Variants in C2CD5 observed in about 807,000 individuals in gnomAD.
C2CD5 encodes the protein C2 calcium dependent domain containing 5, also known as C2 domain-containing protein 5.
In C2CD5, 109 loss-of-function variants were observed where a neutral mutation model predicts 130.3. That is an observed-to-expected ratio of 0.84 (90% CI 0.72 to 0.98). The LOEUF (loss-of-function observed/expected upper bound fraction) is 0.98, where lower values mean the gene tolerates loss of function less well. Among genes scored for constraint, C2CD5 ranks in the 50% least tolerant of loss-of-function variants. The pLI is 0.00. For missense variants in C2CD5, 996 were observed against 1,261.8 expected (o/e 0.79, Z 3.19); for synonymous variants, 454 against 429.2 (o/e 1.06, Z -0.71).
rs756981827 is a variant in C2CD5, at chr12:22,472,350, G to A, written c.2108-3C>T. The A allele has an allele frequency of 1.5e-6, 2 of 1,377,568 alleles. No homozygotes were observed. Among genetic ancestry groups the A allele is most frequent in the Non-Finnish European group, 1.0e-6 (1 of 991,034 alleles). 85.3% of individuals were successfully genotyped at this position (1,377,568 alleles called of 1,614,324 possible). ...TTCTGTATTACAACTATAAAAGCCT[G>A]TCAAAATAAATTGTAATCAAAATAT... On this transcript the variant is annotated splice_polypyrimidine_tract_variant and splice_region_variant and intron_variant, in intron 17 of 26. Coordinates refer to ENST00000446597, the MANE Select transcript of C2CD5 (RefSeq NM_001286176.2).
intron 2 of C2CD5, among the ~76,000 whole-genome samples, chr12:22,537,680 G>A (rs1446624808): frequency 6.6e-6 from 1 of 152,116 alleles, no homozygotes; most frequent in Non-Finnish European, 1.5e-5. Context: ...TATTTAAATT[G>A]GCTTCCTCCT....
chr12:22,487,553 C>T (rs1346453840), intron 12 of C2CD5, among the ~76,000 whole-genome samples: 1 of 152,104 alleles, frequency 6.6e-6, no homozygotes, highest in Admixed American at 6.6e-5. Context: ...CAGGAAACAA[C>T]AGGTGCTGGA....
chr12:22,479,434 G>A (rs1326629134), intron 14 of C2CD5, among the ~76,000 whole-genome samples: 2 of 151,652 alleles, frequency 1.3e-5, no homozygotes, highest in African/African-American at 4.8e-5. Flanking sequence ...AAAAATTAAA[G>A]GTTGCTAAAA....
intron 25 of C2CD5, among the ~76,000 whole-genome samples, chr12:22,455,460 AAATACAATTT>A (rs1939636834): frequency 6.6e-6 from 1 of 152,174 alleles, no homozygotes; most frequent in Non-Finnish European, 1.5e-5. Context: ...AAGGCTTAGG[AAATACAATTT>A]TATGGATTCA....
intron 17 of C2CD5, 28 bp from the exon 18 acceptor site, chr12:22,472,375 TATG>T: frequency 9.2e-7 from 1 of 1,086,816 alleles, no homozygotes; most frequent in Non-Finnish European, 1.4e-6. Context: ...AATCAAAATA[TATG>T]ATAATATTTC....
At position 22,502,843 on chromosome 12, in the gene C2CD5, T is replaced by C. The variant is rs902475532; in HGVS notation, c.1147+3868A>G. The C allele has an allele frequency of 5.1e-6, 6 of 1,178,642 alleles. No homozygotes were observed. In the East Asian group the frequency reaches 1.5e-4, roughly 30 times the overall value. The allele number at this position is 1,178,642 out of a possible 1,614,324, so 73.0% of individuals were successfully genotyped here. A position where few individuals can be genotyped will look rare whatever the true frequency, so the allele number is the denominator to read the frequency against. On this transcript the variant is annotated intron_variant, in intron 10 of 26. Transcript: ENST00000446597. ...AGCAAATTAGTAGATCAGTTTTAGG[T>C]GCAGAATAGTAGGAATAAAACAAAA... is the stretch of plus-strand genomic sequence containing the variant.
intron 12 of C2CD5, among the ~76,000 whole-genome samples, chr12:22,489,905 C>T (rs902156951): frequency 2.6e-5 from 4 of 152,068 alleles, no homozygotes; most frequent in Admixed American, 6.6e-5. Flanking sequence ...TGTCACTTAT[C>T]AAGACACTAG....
intron 16 of C2CD5, among the ~76,000 whole-genome samples, chr12:22,473,645 G>T (rs145569510): frequency 2.6e-5 from 4 of 152,220 alleles, no homozygotes; most frequent in African/African-American, 9.6e-5. Context: ...TAATGCCCTA[G>T]ATCAAACTTC....
chr12:22,514,655 T>C (rs1949531694), intron 8 of C2CD5, among the ~76,000 whole-genome samples: 1 of 152,058 alleles, frequency 6.6e-6, no homozygotes, highest in African/African-American at 2.4e-5. Flanking sequence ...CCAATGTGAA[T>C]GGAGTTGGTA....
rs933472317 is a variant in C2CD5 at position 22,478,665 on chromosome 12, G to C, written c.1738-188C>G. Among the ~76,000 whole-genome samples the C allele has an allele frequency of 2.6e-5, 4 of 152,074 alleles. No homozygotes were observed. The East Asian group carries it at 5.8e-4, about 22-fold the overall frequency. On this transcript the variant is annotated intron_variant, in intron 14 of 26. Transcript: ENST00000446597. ...GTTTGAGACCAGCCTGGCCAACAAG[G>C]TGAAACCCCGTCTCTCCTAAAAATA...
At chr12:22,455,011 T>C (rs1335941095) in intron 25 of C2CD5, among the ~76,000 whole-genome samples, 1 of 152,174 alleles carries the variant, frequency 6.6e-6, no homozygotes, top group African/African-American at 2.4e-5. Flanking sequence ...CCACAAATTC[T>C]ATTGGACTTA....
intron 26 of C2CD5, among the ~76,000 whole-genome samples, chr12:22,451,751 G>C (rs1356316011): frequency 6.6e-6 from 1 of 151,974 alleles, no homozygotes; most frequent in Non-Finnish European, 1.5e-5. Context: ...CTACCTCTTG[G>C]GCATGTTAGG....
At chr12:22,543,875 G>A (rs1414067926) in intron 2 of C2CD5, among the ~76,000 whole-genome samples, 186 bp downstream of exon 2, 2 of 152,132 alleles carry the variant, frequency 1.3e-5, no homozygotes, top group African/African-American at 2.4e-5. Context: ...GCGGACGCCT[G>A]CAAGCCGTGC....
At chr12:22,500,872 G>C (rs1565738115) in intron 10 of C2CD5, among the ~76,000 whole-genome samples, 1 of 151,976 alleles carries the variant, frequency 6.6e-6, no homozygotes, top group Non-Finnish European at 1.5e-5. Flanking sequence ...TATAATACAT[G>C]GTACAAAGCA....
At chr12:22,536,802 G>A (rs537467961) in intron 2 of C2CD5, among the ~76,000 whole-genome samples, 9 of 152,118 alleles carry the variant, frequency 5.9e-5, no homozygotes, top group African/African-American at 1.9e-4. Context: ...ATATTTGAGT[G>A]TTTCAATCTT....
chr12:22,484,415 A>T, intron 13 of C2CD5: 1 of 297,976 alleles, frequency 3.4e-6, no homozygotes. Flanking sequence ...AGCAATCTAT[A>T]CTTAGTCACA....
chr12:22,458,157 G>A (rs1416348335), intron 24 of C2CD5, among the ~76,000 whole-genome samples: 2 of 152,074 alleles, frequency 1.3e-5, no homozygotes, highest in African/African-American at 4.8e-5. Context: ...ATACTAAATA[G>A]TACCTTGGGT....
chr12:22,477,498 G>A (rs1331159761), intron 15 of C2CD5, among the ~76,000 whole-genome samples: 1 of 151,986 alleles, frequency 6.6e-6, no homozygotes, highest in African/African-American at 2.4e-5. Context: ...AAGCAATAAT[G>A]TTATACTTTC....
rs1270968048 is a variant in C2CD5, at chr12:22,544,265, AGCGCGCGGGGGC to A, written c.-30+43_-30+54del. 1.3e-5 allele frequency: 13 copies of A among 994,710 alleles called. 1 individual carries two copies. The highest frequency in any genetic ancestry group is 2.9e-4 in the Middle Eastern group (1 of 3,438). 61.6% of individuals were successfully genotyped at this position (994,710 alleles called of 1,614,324 possible). ...CGCGCGGGGTAACTGACAGCGAAGG[AGCGCGCGGGGGC>A]GCGCGCGGGCGCCCGGCAGTCGCGC... is the stretch of plus-strand genomic sequence containing the variant. On this transcript the variant is annotated intron_variant, in intron 1 of 26. Transcript: ENST00000446597.
Sources: gnomAD v4.1 joint callset for allele counts (sites outside exome capture counted in the v4.1 genomes callset) on GRCh38, gnomAD v4.1.1 for gene constraint, MANE v1.5 for transcripts, NCBI Gene and HGNC (gene_info 2026-07-23, HGNC 2026-07-21) for gene names.